PPP4R1: variants seen among roughly 807,000 people sequenced by gnomAD.
PPP4R1 encodes protein phosphatase 4 regulatory subunit 1.
Under a neutral mutation model 111.2 loss-of-function variants are expected in PPP4R1, and 42 were observed. That is an observed-to-expected ratio of 0.38 (90% confidence interval 0.29 to 0.49). The LOEUF is 0.49. Among genes scored for constraint, PPP4R1 ranks in the 20% least tolerant of loss-of-function variants. PPP4R1 has a pLI of 0.97. For missense variants in PPP4R1, 1,012 were observed against 1,161.6 expected, an observed-to-expected ratio of 0.87 and a Z score of 1.87; for synonymous variants, 409 against 405.5, an observed-to-expected ratio of 1.01 and a Z score of -0.10.
chr18:9,608,788 G>A (rs1354742906), intron 2 of PPP4R1, among the ~76,000 whole-genome samples: 1 of 152,180 alleles, frequency 6.6e-6, no homozygotes, highest in African/African-American at 2.4e-5. Flanking sequence ...AAACATAGGA[G>A]CAAGGTAACA....
chr18:9,579,358 T>C (rs2066988311), intron 9 of PPP4R1, among the ~76,000 whole-genome samples: 1 of 152,196 alleles, frequency 6.6e-6, no homozygotes, highest in Non-Finnish European at 1.5e-5. Flanking sequence ...AAAGAATAAA[T>C]ATTAACGAAT....
At chr18:9,610,810 A>G (rs534442415) in intron 2 of PPP4R1, among the ~76,000 whole-genome samples, 1 of 152,004 alleles carries the variant, frequency 6.6e-6, no homozygotes, top group Non-Finnish European at 1.5e-5. Context: ...ACTTACCTTT[A>G]TAAGTTACTT....
At chr18:9,564,678 T>G (rs977791829) in intron 11 of PPP4R1, among the ~76,000 whole-genome samples, 1 of 148,152 alleles carries the variant, frequency 6.7e-6, no homozygotes, top group Non-Finnish European at 1.5e-5. Flanking sequence ...TAAAATGTTT[T>G]GTCCCATATA....
intron 10 of PPP4R1, among the ~76,000 whole-genome samples, chr18:9,573,870 T>C (rs2066898560): frequency 6.6e-6 from 1 of 152,224 alleles, no homozygotes; most frequent in Admixed American, 6.5e-5. Flanking sequence ...ACTTGTTAGT[T>C]TGTCCAAACT....
intron 12 of PPP4R1, chr18:9,562,904 G>A (rs1001961342): frequency 5.1e-6 from 5 of 987,024 alleles, no homozygotes; most frequent in Non-Finnish European, 6.0e-6. Context: ...TGAAGATGAT[G>A]CTAGGATCAG....
rs745744231 is a variant in PPP4R1 at position 9,570,201 on chromosome 18, A to G, written c.1529T>C (p.Met510Thr). 2 of 1,547,542 alleles carry G rather than the reference A, an allele frequency of 1.3e-6. No individual in the cohort carries two copies. Among genetic ancestry groups the G allele is most frequent in the Admixed American group, 2.2e-5 (1 of 46,098 alleles). Reference sequence around the variant, plus strand: ...AATGTGGGGCTCTAGATTTTCTATCATTTCTTCCAGTTCCTTTCTGGTGGC... The same window carrying G: ...AATGTGGGGCTCTAGATTTTCTATCGTTTCTTCCAGTTCCTTTCTGGTGGC... ...TMATRKELEE[M>T]IENLEPHIDD... Residue 510 changes from methionine to threonine, a missense_variant, in exon 11 of 20, where the codon ATG (methionine) becomes ACG (threonine). By Grantham distance (81) the Met-to-Thr change is moderately conservative (BLOSUM62 -1). Coordinates refer to ENST00000400556, the MANE Select transcript of PPP4R1 (RefSeq NM_001042388.3).
At chr18:9,603,313 G>A (rs678567) in intron 2 of PPP4R1, among the ~76,000 whole-genome samples, 81,043 of 150,424 alleles carry the variant, frequency 0.54, 22,109 homozygotes, top group Middle Eastern at 0.65. Flanking sequence ...CTAAGCAATA[G>A]ATTATATTTA....
At chr18:9,579,516 A>ATGTGTG (rs1568107426) in intron 9 of PPP4R1, among the ~76,000 whole-genome samples, 11 of 90,746 alleles carry the variant, frequency 1.2e-4, no homozygotes, top group Middle Eastern at 0.011. Context: ...TAGGATTTAC[A>ATGTGTG]CGTGTGTGTG....
In PPP4R1 at chr18:9,547,790, T is replaced by C; in HGVS notation, c.2852A>G (p.Ter951TrpextTer3). 1.9e-6 allele frequency: 3 copies of C among 1,612,838 alleles called. No individual in the cohort carries two copies. The highest frequency in any genetic ancestry group is 2.5e-6 in the Non-Finnish European group (3 of 1,179,924). The change falls in exon 20 of 20, where the codon TAG becomes TGG. Residue 951 changes from the stop codon to tryptophan (W), a stop_lost. Coordinates refer to ENST00000400556, the MANE Select transcript of PPP4R1 (RefSeq NM_001042388.3). Reference protein sequence around the residue: ...DAMSTASSTY* With the variant: ...DAMSTASSTYW Reference sequence around the variant, plus strand: ...GAAAGACACCGAGATTCAAGCCTTCTAGTAGGTTGAGGACGCTGTGCTCAT... The same window carrying C: ...GAAAGACACCGAGATTCAAGCCTTCCAGTAGGTTGAGGACGCTGTGCTCAT...
intron 15 of PPP4R1, chr18:9,556,931 T>G (rs927765478): frequency 4.3e-6 from 1 of 229,892 alleles, no homozygotes; most frequent in African/African-American, 2.3e-5. Flanking sequence ...TCCTCCTGCA[T>G]GTACTGAGGG....
At chr18:9,592,734 A>G (rs368954757) in intron 4 of PPP4R1, among the ~76,000 whole-genome samples, 2 of 152,246 alleles carry the variant, frequency 1.3e-5, no homozygotes, top group East Asian at 3.9e-4. Flanking sequence ...ATCTATCCTT[A>G]AAGAGTATCT....
At chr18:9,569,078 C>A (rs556560221) in intron 11 of PPP4R1, among the ~76,000 whole-genome samples, 1 of 151,518 alleles carries the variant, frequency 6.6e-6, no homozygotes, top group East Asian at 1.9e-4. Context: ...TGCCTGTAAT[C>A]CCAGCTACTC....
chr18:9,556,935 C>T (rs2066597105), intron 15 of PPP4R1: 2 of 240,906 alleles, frequency 8.3e-6, no homozygotes, highest in Non-Finnish European at 1.6e-5. Context: ...CCTGCATGTA[C>T]TGAGGGATGA....
intron 10 of PPP4R1, among the ~76,000 whole-genome samples, chr18:9,572,105 A>G (rs924950488): frequency 5.3e-5 from 8 of 152,192 alleles, no homozygotes; most frequent in Non-Finnish European, 8.8e-5. Flanking sequence ...AAACAGTTTC[A>G]CAAGAAAGCT....
chr18:9,548,275 C>T (rs1366946233), intron 19 of PPP4R1, among the ~76,000 whole-genome samples: 1 of 150,418 alleles, frequency 6.6e-6, no homozygotes, highest in Non-Finnish European at 1.5e-5. Context: ...CTTCCAAACA[C>T]CAACTACAAA....
intron 3 of PPP4R1, 60 bp downstream of exon 3, chr18:9,594,958 T>TA (rs2067268133): frequency 1.3e-6 from 2 of 1,570,694 alleles, no homozygotes; most frequent in East Asian, 4.5e-5. Context: ...TCATTTTCCC[T>TA]ACTGAAGTTA....
chr18:9,603,772 A>G (rs566815562), intron 2 of PPP4R1, among the ~76,000 whole-genome samples: 1 of 152,308 alleles, frequency 6.6e-6, no homozygotes, highest in South Asian at 2.1e-4. Context: ...GGTGTGAGCC[A>G]CCTTGCCTGA....
intron 9 of PPP4R1, among the ~76,000 whole-genome samples, chr18:9,579,729 G>C (rs575633671): frequency 2.0e-5 from 3 of 152,184 alleles, no homozygotes; most frequent in Non-Finnish European, 2.9e-5. Flanking sequence ...CTAAATAATA[G>C]AGTAACAATT....
At chr18:9,592,257 T>G (rs912614684) in intron 4 of PPP4R1, among the ~76,000 whole-genome samples, 2 of 152,188 alleles carry the variant, frequency 1.3e-5, no homozygotes, top group Non-Finnish European at 2.9e-5. Flanking sequence ...AACAGCCTAA[T>G]TTTTCTAACC....
Sources: allele counts gnomAD v4.1 joint callset (sites outside exome capture counted in the v4.1 genomes callset), GRCh38; gene constraint gnomAD v4.1.1; transcripts MANE v1.5; gene names NCBI Gene and HGNC (gene_info 2026-07-23, HGNC 2026-07-21).